The following SLC25A23 variants were observed in gnomAD, a reference collection of about 807,000 sequenced individuals.
The protein encoded by SLC25A23 is solute carrier family 25 member 23.
A neutral mutation model predicts 53.9 loss-of-function variants in SLC25A23; 32 were observed. The observed-to-expected ratio is 0.59, with a 90% CI of 0.45 to 0.80. The LOEUF (loss-of-function observed/expected upper bound fraction) is 0.80, where lower values mean the gene tolerates loss of function less well. SLC25A23 is among the 30% of genes least tolerant of loss of function. SLC25A23 has a pLI of 0.00. For missense variants in SLC25A23, 575 were observed against 651.4 expected, an observed-to-expected ratio of 0.88 and a Z score of 1.28; for synonymous variants, 275 against 264.5, an observed-to-expected ratio of 1.04 and a Z score of -0.38.
chr19:6,442,275 C>CT, intron 9 of SLC25A23, 116 bp from the exon 10 acceptor site: 1 of 682,244 alleles, frequency 1.5e-6, no homozygotes, highest in East Asian at 2.8e-5. Flanking sequence ...GGAGGTTAGA[C>CT]TAACAGTGGG....
At chr19:6,453,239 GT>G (rs34113509) in intron 7 of SLC25A23, among the ~76,000 whole-genome samples, 13,015 of 124,846 alleles carry the variant, frequency 0.1, 1,324 homozygotes, top group African/African-American at 0.32. Flanking sequence ...TGTGATTGAA[GT>G]TTTTTTTTTT....
Position 6,459,378 on chromosome 19 carries a change from T to C in SLC25A23, c.156+95A>G. ...ACAGGTTCTGGAGTCCAGCCACAGGTAGTCCCTGGTGGCTCCGGCCGCCCA... is the reference window on the plus strand; with the variant it reads ...ACAGGTTCTGGAGTCCAGCCACAGGCAGTCCCTGGTGGCTCCGGCCGCCCA... On this transcript the variant is annotated intron_variant, in intron 1 of 9. Coordinates refer to ENST00000301454, the MANE Select transcript of SLC25A23 (RefSeq NM_024103.3). The surrounding 1 kb of genome is among the most constrained non-coding windows in gnomAD (Gnocchi z 4.6). 9.5e-7 allele frequency: 1 copy of C among 1,051,102 alleles called. No individual in the cohort carries two copies. The highest frequency in any genetic ancestry group is 1.3e-6 in the Non-Finnish European group (1 of 761,752). The allele number at this position is 1,051,102 out of a possible 1,614,324, so 65.1% of individuals were successfully genotyped here. A position where few individuals can be genotyped will look rare whatever the true frequency, so the allele number is the denominator to read the frequency against.
intron 9 of SLC25A23, among the ~76,000 whole-genome samples, chr19:6,442,780 A>G (rs973947972): frequency 2.0e-5 from 3 of 151,570 alleles, no homozygotes; most frequent in Non-Finnish European, 4.4e-5. Flanking sequence ...CCAACTCCCA[A>G]CCTCAGGTGA....
At chr19:6,458,552 A>G (rs763001924) in intron 1 of SLC25A23, among the ~76,000 whole-genome samples, 14 of 152,152 alleles carry the variant, frequency 9.2e-5, no homozygotes, top group Non-Finnish European at 1.6e-4. Context: ...TGGTGAGCAA[A>G]CTGAGGCTCT....
intron 4 of SLC25A23, 171 bp downstream of exon 4, chr19:6,456,249 A>G: frequency 1.1e-6 from 1 of 950,278 alleles, no homozygotes. Context: ...GGGACCCTTG[A>G]ACCCTAAGTG....
intron 8 of SLC25A23, 128 bp from the exon 9 acceptor site, chr19:6,444,429 G>T: frequency 2.0e-6 from 2 of 999,526 alleles, no homozygotes; most frequent in South Asian, 3.6e-5. Flanking sequence ...CCTCCTAGGG[G>T]CCGGGCCAGC....
chr19:6,457,426 G>T, intron 3 of SLC25A23, 77 bp downstream of exon 3: 1 of 1,333,630 alleles, frequency 7.5e-7, no homozygotes, highest in Non-Finnish European at 1.1e-6. Flanking sequence ...GACTGGGTCT[G>T]GAGCCCAGAA....
intron 8 of SLC25A23, among the ~76,000 whole-genome samples, chr19:6,446,057 A>G (rs1448249832): frequency 6.6e-6 from 1 of 151,708 alleles, no homozygotes. Flanking sequence ...GACAAGAGTG[A>G]GACTCAGTAT....
At chr19:6,456,718 T>G (rs995386674) in intron 3 of SLC25A23, among the ~76,000 whole-genome samples, 187 bp from the exon 4 acceptor site, 2 of 152,144 alleles carry the variant, frequency 1.3e-5, no homozygotes, top group African/African-American at 4.8e-5. Flanking sequence ...CTTGCTCTGT[T>G]GCCCAGGCTA....
At chr19:6,450,649 T>C (rs758062416) in intron 8 of SLC25A23, among the ~76,000 whole-genome samples, 7 of 152,196 alleles carry the variant, frequency 4.6e-5, no homozygotes, top group Non-Finnish European at 1.0e-4. Context: ...AGCAACGGTC[T>C]TGTCTCATTT....
In SLC25A23 at chr19:6,452,304, C is replaced by T. The variant is rs2092603659; in HGVS notation, c.1071+8G>A. The T allele has an allele frequency of 1.9e-6, 3 of 1,607,338 alleles. No individual in the cohort carries two copies. Among genetic ancestry groups the T allele is most frequent in the Non-Finnish European group, 2.5e-6 (3 of 1,177,108 alleles). ...GAGCAGGGAAAGAGGAACGCGCTGC[C>T]CACAGACCTCGTAGACGGCCAGGTC... On this transcript the variant is annotated splice_region_variant and intron_variant, in intron 8 of 9. Coordinates refer to ENST00000301454, the MANE Select transcript of SLC25A23 (RefSeq NM_024103.3).
chr19:6,450,850 T>C (rs368664106), intron 8 of SLC25A23, among the ~76,000 whole-genome samples: 131 of 151,756 alleles, frequency 8.6e-4, no homozygotes, highest in African/African-American at 3.0e-3. Context: ...GAGGCTGAGG[T>C]GGGGGGATCC....
chr19:6,452,479 C>A lies in SLC25A23; in HGVS notation c.904G>T (p.Val302Leu), dbSNP rs778294050. 3 of 1,599,180 alleles carry A rather than the reference C, an allele frequency of 1.9e-6. No individual in the cohort carries two copies. The highest frequency in any genetic ancestry group is 2.6e-6 in the Non-Finnish European group (3 of 1,169,734). ...CGCAAGGTCAGCCGCGTCTTCAGCACCTGGGGAGAACCTGGTTATCCCTGG... is the reference window on the plus strand; with the variant it reads ...CGCAAGGTCAGCCGCGTCTTCAGCAACTGGGGAGAACCTGGTTATCCCTGG... ...TAQTIIYPME[V>L]LKTRLTLRRT... Residue 302 changes from valine to leucine, a missense_variant and splice_region_variant, in exon 8 of 10, where the codon GTG becomes TTG. Coordinates refer to ENST00000301454, the MANE Select transcript of SLC25A23 (RefSeq NM_024103.3).
chr19:6,442,251 G>T, intron 9 of SLC25A23, 92 bp from the exon 10 acceptor site: 1 of 836,312 alleles, frequency 1.2e-6, no homozygotes, highest in Non-Finnish European at 1.8e-6. Context: ...TGGTGTCATT[G>T]CAGCAGGAGG....
At chr19:6,439,426 C>CACACACACACACAGACAG (rs774234682), downstream of SLC25A23, among the ~76,000 whole-genome samples, 1 of 150,988 alleles carries the variant, frequency 6.6e-6, no homozygotes, top group African/African-American at 2.5e-5. Flanking sequence ...CACACACACA[C>CACACACACACACAGACAG]ACACACACAG....
In SLC25A23 at chr19:6,452,427, A is replaced by C; in HGVS notation, c.956T>G (p.Leu319Arg). ...LRRTGQYKGL[L>R]DCARRILERE... ...CTCCAGGATACGCCTGGCGCAGTCCAGCAGCCCCTTATACTGGCCCGTCCG... is the reference window on the plus strand; with the variant it reads ...CTCCAGGATACGCCTGGCGCAGTCCCGCAGCCCCTTATACTGGCCCGTCCG... The change falls in exon 8 of 10, where the codon CTG becomes CGG. Residue 319 changes from leucine to arginine, a missense_variant. By Grantham distance (102) the Leu-to-Arg change is moderately radical. Coordinates refer to ENST00000301454, the MANE Select transcript of SLC25A23 (RefSeq NM_024103.3). The C allele has an allele frequency of 1.9e-6, 3 of 1,613,976 alleles. No homozygotes were observed. Among genetic ancestry groups the C allele is most frequent in the Non-Finnish European group, 2.5e-6 (3 of 1,179,986 alleles).
chr19:6,444,439 C>A, intron 8 of SLC25A23, 138 bp from the exon 9 acceptor site: 4 of 908,080 alleles, frequency 4.4e-6, no homozygotes, highest in Non-Finnish European at 6.4e-6. Flanking sequence ...GCCGGGCCAG[C>A]CCTTTCCCTG....
chr19:6,453,961 C>T lies in SLC25A23; in HGVS notation c.903+20G>A, dbSNP rs984261770. The stretch of plus-strand genomic sequence containing the variant: ...CCCCCACCCTGCCATGGGGCCTCCG[C>T]TGGGGTCCCTCCTTCTCACCTCCAT... On this transcript the variant is annotated intron_variant, in intron 7 of 9. Coordinates refer to ENST00000301454, the MANE Select transcript of SLC25A23 (RefSeq NM_024103.3). 1.9e-6 allele frequency: 3 copies of T among 1,598,666 alleles called. No individual in the cohort carries two copies. The African/African-American group carries it at 4.0e-5, about 21-fold the overall frequency.
chr19:6,459,495 T>C lies in SLC25A23; in HGVS notation c.134A>G (p.Asn45Ser), dbSNP rs542806081. The C allele has an allele frequency of 2.2e-4, 355 of 1,593,324 alleles. 6 individuals are homozygous for C. In the South Asian group the frequency reaches 3.8e-3, roughly 17 times the overall value. The change falls in exon 1 of 10, where the codon AAC (asparagine) becomes AGC (serine). Residue 45 changes from asparagine to serine, a missense_variant. Transcript: ENST00000301454. The surrounding 1 kb of genome is among the most constrained non-coding windows in gnomAD (Gnocchi z 4.6). The part of the protein sequence containing the change: ...RQGLARLGGG[N>S]PDPGAQQGIS... ...TACCTGTTGGGCGCCGGGGTCTGGGTTGCCCCCGCCCAGCCTGGCCAGCCC... is the reference window on the plus strand; with the variant it reads ...TACCTGTTGGGCGCCGGGGTCTGGGCTGCCCCCGCCCAGCCTGGCCAGCCC...
Sources: gnomAD v4.1 joint callset for allele counts (sites outside exome capture counted in the v4.1 genomes callset) on GRCh38, gnomAD v4.1.1 for gene constraint, Gnocchi (gnomAD v3.1) non-coding constraint, MANE v1.5 for transcripts, NCBI Gene and HGNC (gene_info 2026-07-23, HGNC 2026-07-21) for gene names.